The following EBF1 variants were observed in gnomAD, a reference collection of about 807,000 sequenced individuals.
EBF1 encodes the protein transcription factor COE1.
Under a neutral mutation model 68.4 loss-of-function variants are expected in EBF1, and 10 were observed. The observed-to-expected ratio is 0.15, with a 90% CI of 0.09 to 0.25. The LOEUF (loss-of-function observed/expected upper bound fraction) is 0.25. EBF1 is among the 10% of genes least tolerant of loss of function. EBF1 has a pLI of 1.00. For missense variants in EBF1, 509 were observed against 794.4 expected (o/e 0.64, Z 4.32); for synonymous variants, 298 against 299.8 (o/e 0.99, Z 0.06).
At chr5:158,814,642 G>T (rs543585334) in intron 8 of EBF1, among the ~76,000 whole-genome samples, 1 of 152,044 alleles carries the variant, frequency 6.6e-6, no homozygotes. Flanking sequence ...GTATCCTAAC[G>T]GTTGTTTAAC....
intron 7 of EBF1, among the ~76,000 whole-genome samples, chr5:158,834,114 G>A (rs1788194408): frequency 6.6e-6 from 1 of 152,066 alleles, no homozygotes; most frequent in Non-Finnish European, 1.5e-5. Flanking sequence ...GGTATCTATT[G>A]CAATGACAGC....
At chr5:158,868,010 T>G (rs1358864570) in intron 6 of EBF1, among the ~76,000 whole-genome samples, 1 of 152,172 alleles carries the variant, frequency 6.6e-6, no homozygotes, top group Non-Finnish European at 1.5e-5. Context: ...CTCTAAAGAC[T>G]GTATATCTAC....
intron 6 of EBF1, among the ~76,000 whole-genome samples, chr5:158,891,887 G>A (rs750386428): frequency 2.0e-5 from 3 of 151,896 alleles, no homozygotes; most frequent in Non-Finnish European, 4.4e-5. Flanking sequence ...GCTCAATATT[G>A]TCTTTATTTT....
intron 6 of EBF1, among the ~76,000 whole-genome samples, chr5:158,999,314 AT>A (rs1762064184): frequency 6.6e-6 from 1 of 152,126 alleles, no homozygotes; most frequent in African/African-American, 2.4e-5. Flanking sequence ...AAAATCCCAA[AT>A]TTTCTTCACT....
intron 5 of EBF1, among the ~76,000 whole-genome samples, chr5:159,080,230 C>T (rs549940746): frequency 6.6e-6 from 1 of 152,180 alleles, no homozygotes; most frequent in Non-Finnish European, 1.5e-5. Flanking sequence ...TTCATGCACC[C>T]TCTAAAATCC....
intron 6 of EBF1, among the ~76,000 whole-genome samples, chr5:158,876,159 T>TC (rs1797776545): frequency 2.0e-5 from 3 of 152,158 alleles, no homozygotes; most frequent in Non-Finnish European, 2.9e-5. Context: ...ATATAAAATA[T>TC]AATAATATTA....
At chr5:158,949,779 G>A (rs1474982448) in intron 6 of EBF1, among the ~76,000 whole-genome samples, 2 of 152,194 alleles carry the variant, frequency 1.3e-5, no homozygotes, top group East Asian at 3.8e-4. Context: ...TGTGCGCTAA[G>A]CCATACACAC....
intron 6 of EBF1, among the ~76,000 whole-genome samples, chr5:158,948,825 C>T (rs765886272): frequency 6.6e-5 from 10 of 152,212 alleles, no homozygotes; most frequent in Admixed American, 5.2e-4. Flanking sequence ...TGTCTGAATA[C>T]GCTTCAGCCG....
chr5:158,877,197 A>G (rs1036860458), intron 6 of EBF1, among the ~76,000 whole-genome samples: 1 of 152,182 alleles, frequency 6.6e-6, no homozygotes, highest in Non-Finnish European at 1.5e-5. Flanking sequence ...GAGGAAATCC[A>G]GTAACTGAAT....
intron 6 of EBF1, among the ~76,000 whole-genome samples, chr5:159,028,286 T>C (rs979861876): frequency 6.6e-6 from 1 of 152,142 alleles, no homozygotes; most frequent in East Asian, 1.9e-4. Context: ...TTTCATTCTA[T>C]CCAGGAACTT....
At chr5:158,944,713 C>T (rs1814261592) in intron 6 of EBF1, among the ~76,000 whole-genome samples, 1 of 152,224 alleles carries the variant, frequency 6.6e-6, no homozygotes, top group Admixed American at 6.5e-5. Flanking sequence ...TATTTCTCCA[C>T]ATCCTCTCCA....
At chr5:158,711,685 T>C (rs75469537) in intron 14 of EBF1, among the ~76,000 whole-genome samples, 177 of 151,718 alleles carry the variant, frequency 1.2e-3, no homozygotes, top group Non-Finnish European at 1.9e-3. Flanking sequence ...TTTTTTTTTT[T>C]CTTTGAGACG....
intron 6 of EBF1, among the ~76,000 whole-genome samples, chr5:158,989,564 C>A (rs1284341475): frequency 1.3e-5 from 2 of 152,166 alleles, no homozygotes; most frequent in African/African-American, 2.4e-5. Context: ...CTGGCGGGGA[C>A]ACAGCTTTTC....
chr5:159,089,730 T>C (rs778294117), intron 4 of EBF1, among the ~76,000 whole-genome samples: 7 of 147,890 alleles, frequency 4.7e-5, no homozygotes, highest in Non-Finnish European at 1.0e-4. Flanking sequence ...TCTTGATTTA[T>C]AAGCAAACAA....
At chr5:158,744,242 G>A (rs1413642237) in intron 10 of EBF1, among the ~76,000 whole-genome samples, 1 of 151,978 alleles carries the variant, frequency 6.6e-6, no homozygotes, top group Admixed American at 6.6e-5. Flanking sequence ...AAAACCACAT[G>A]TGAAAAGAGA....
chr5:158,737,838 C>T (rs1765539615), intron 10 of EBF1, among the ~76,000 whole-genome samples: 1 of 152,070 alleles, frequency 6.6e-6, no homozygotes, highest in Admixed American at 6.6e-5. Flanking sequence ...CGGAGGAAGA[C>T]TGATGAGGGA....
chr5:159,070,453 T>TA (rs1017488651), intron 6 of EBF1, among the ~76,000 whole-genome samples: 3 of 152,168 alleles, frequency 2.0e-5, no homozygotes, highest in Non-Finnish European at 4.4e-5. Context: ...ACTTTTTTGA[T>TA]AGAATATGCC....
intron 6 of EBF1, among the ~76,000 whole-genome samples, chr5:158,861,732 G>C (rs528848937): frequency 6.6e-6 from 1 of 152,010 alleles, no homozygotes; most frequent in African/African-American, 2.4e-5. Flanking sequence ...GCATCACCTT[G>C]CCTTTTCTTT....
At chr5:158,902,908 TTTG>T in intron 6 of EBF1, among the ~76,000 whole-genome samples, 1 of 152,232 alleles carries the variant, frequency 6.6e-6, no homozygotes, top group East Asian at 1.9e-4. Context: ...GGTTAGAGAC[TTTG>T]CTGGGTAGAG....
Sources: gnomAD v4.1 joint callset for allele counts (sites outside exome capture counted in the v4.1 genomes callset) on GRCh38, gnomAD v4.1.1 for gene constraint, MANE v1.5 for transcripts, NCBI Gene and HGNC (gene_info 2026-07-23, HGNC 2026-07-21) for gene names.